The following UBL3 variants were observed in gnomAD, a reference collection of about 807,000 sequenced individuals.
The protein encoded by UBL3 is ubiquitin-like protein 3.
UBL3 carries 6 observed loss-of-function variants against 18.4 expected under a neutral mutation model. The observed-to-expected ratio is 0.33, with a 90% CI of 0.18 to 0.64. UBL3 has a LOEUF of 0.64. Among genes scored for constraint, UBL3 ranks in the 30% least tolerant of loss-of-function variants. UBL3 has a pLI of 0.76. For missense variants in UBL3, 109 were observed against 142.9 expected, an observed-to-expected ratio of 0.76 and a Z score of 1.21; for synonymous variants, 49 against 46.6, an observed-to-expected ratio of 1.05 and a Z score of -0.21.
intron 1 of UBL3, among the ~76,000 whole-genome samples, chr13:29,835,940 T>C (rs1878952294): frequency 6.6e-6 from 1 of 152,066 alleles, no homozygotes; most frequent in Non-Finnish European, 1.5e-5. Flanking sequence ...TGCAGGACCC[T>C]GAAGGCCCAA....
At chr13:29,777,130 TA>T (rs1239129153) in intron 2 of UBL3, 24 bp downstream of exon 2, 3 of 1,527,498 alleles carry the variant, frequency 2.0e-6, no homozygotes, top group Non-Finnish European at 2.7e-6. Context: ...ACATTATTCA[TA>T]CTCAAGAGAA....
intron 1 of UBL3, among the ~76,000 whole-genome samples, chr13:29,818,801 G>A (rs1296023653): frequency 2.6e-5 from 4 of 152,060 alleles, no homozygotes; most frequent in Admixed American, 6.6e-5. Flanking sequence ...TTTCCCATGC[G>A]TTCTCCCCTT....
intron 1 of UBL3, among the ~76,000 whole-genome samples, chr13:29,800,098 A>AC (rs1165775834): frequency 2.6e-5 from 4 of 152,230 alleles, no homozygotes. Flanking sequence ...CAATTGCTGA[A>AC]CAGTAATTCC....
intron 1 of UBL3, among the ~76,000 whole-genome samples, chr13:29,816,515 T>C (rs1878285462): frequency 6.6e-6 from 1 of 151,802 alleles, no homozygotes; most frequent in East Asian, 1.9e-4. Context: ...TCCCAGCACT[T>C]TGGGAGGACA....
intron 3 of UBL3, among the ~76,000 whole-genome samples, chr13:29,770,125 C>T (rs546127151): frequency 3.3e-5 from 5 of 152,060 alleles, no homozygotes; most frequent in Non-Finnish European, 7.4e-5. Flanking sequence ...CCACACAAAG[C>T]CTTCTTCCAC....
chr13:29,785,259 C>A (rs1285938938), intron 1 of UBL3, among the ~76,000 whole-genome samples: 1 of 152,058 alleles, frequency 6.6e-6, no homozygotes, highest in African/African-American at 2.4e-5. Flanking sequence ...TAAGATGTTA[C>A]CATTAGGGAA....
chr13:29,781,023 A>C (rs745639842), intron 1 of UBL3, among the ~76,000 whole-genome samples: 10 of 152,140 alleles, frequency 6.6e-5, no homozygotes, highest in Non-Finnish European at 1.2e-4. Flanking sequence ...AAAATACAAA[A>C]TATTAGCAGA....
chr13:29,774,190 T>C (rs927179009), intron 2 of UBL3, among the ~76,000 whole-genome samples: 1 of 152,100 alleles, frequency 6.6e-6, no homozygotes, highest in African/African-American at 2.4e-5. Context: ...AGATGGTCTG[T>C]TCATTTGGGA....
At chr13:29,773,465 A>C (rs1876900090) in intron 2 of UBL3, among the ~76,000 whole-genome samples, 2 of 152,182 alleles carry the variant, frequency 1.3e-5, no homozygotes, top group Non-Finnish European at 2.9e-5. Context: ...CAATTCCAAA[A>C]TTATTGTTTA....
chr13:29,777,461 G>GT (rs1877030942), intron 1 of UBL3, 198 bp from the exon 2 acceptor site: 1 of 675,370 alleles, frequency 1.5e-6, no homozygotes, highest in Non-Finnish European at 2.7e-6. Context: ...TTTAAAGGGT[G>GT]TGTGTGTGTG....
chr13:29,799,328 A>G (rs1877700512), intron 1 of UBL3, among the ~76,000 whole-genome samples: 1 of 152,278 alleles, frequency 6.6e-6, no homozygotes, highest in Non-Finnish European at 1.5e-5. Flanking sequence ...GTATTACTTA[A>G]TTCATACCTT....
chr13:29,785,558 C>A (rs1383385522), intron 1 of UBL3, among the ~76,000 whole-genome samples: 1 of 152,076 alleles, frequency 6.6e-6, no homozygotes, highest in African/African-American at 2.4e-5. Flanking sequence ...TTATAAAGGG[C>A]ATATTTTGAA....
intron 1 of UBL3, among the ~76,000 whole-genome samples, chr13:29,796,159 G>A (rs1484272215): frequency 6.6e-6 from 1 of 152,086 alleles, no homozygotes; most frequent in Non-Finnish European, 1.5e-5. Flanking sequence ...GAAGATGAGA[G>A]CTGCTTTTGG....
At chr13:29,834,019 G>GTAC (rs1241038816) in intron 1 of UBL3, among the ~76,000 whole-genome samples, 1 of 151,976 alleles carries the variant, frequency 6.6e-6, no homozygotes, top group African/African-American at 2.4e-5. Context: ...AACCCCGTCT[G>GTAC]TACTAAGACT....
At chr13:29,767,768 A>G in intron 3 of UBL3, 73 bp from the exon 4 acceptor site, 1 of 1,338,822 alleles carries the variant, frequency 7.5e-7, no homozygotes, top group Non-Finnish European at 1.0e-6. Context: ...ATTTAAAACC[A>G]TTTTAAAAAT....
At chr13:29,772,652 TTGAGAA>T (rs1453864558) in intron 2 of UBL3, among the ~76,000 whole-genome samples, 1 of 152,090 alleles carries the variant, frequency 6.6e-6, no homozygotes, top group Non-Finnish European at 1.5e-5. Context: ...TATATTGATA[TTGAGAA>T]TAACAAAAAA....
chr13:29,784,441 T>C (rs1458756806), intron 1 of UBL3, among the ~76,000 whole-genome samples: 1 of 152,068 alleles, frequency 6.6e-6, no homozygotes, highest in African/African-American at 2.4e-5. Context: ...CAGTCTTCCT[T>C]AGGGAAAACC....
rs188160595 is a variant in UBL3 at position 29,827,298 on chromosome 13, T to C, written c.27+22214A>G. 5.3e-5 allele frequency among the ~76,000 whole-genome samples: 8 copies of C among 152,312 alleles called. No homozygotes were observed. The East Asian group carries it at 9.7e-4, about 18-fold the overall frequency. ...GACAGTGGGGTGTTAAAGTCTCCCATTGTTATTGTGTGGGAGTCTAATTCT... is the reference window on the plus strand; with the variant it reads ...GACAGTGGGGTGTTAAAGTCTCCCACTGTTATTGTGTGGGAGTCTAATTCT... On this transcript the variant is annotated intron_variant, in intron 1 of 4. Coordinates refer to ENST00000380680, the MANE Select transcript of UBL3 (RefSeq NM_007106.4).
intron 1 of UBL3, among the ~76,000 whole-genome samples, chr13:29,798,772 C>CA (rs1278333581): frequency 1.3e-5 from 2 of 152,178 alleles, no homozygotes; most frequent in Admixed American, 1.3e-4. Context: ...AGAGAAACCC[C>CA]AAAAAACTAT....
Sources: allele counts gnomAD v4.1 joint callset (sites outside exome capture counted in the v4.1 genomes callset), GRCh38; gene constraint gnomAD v4.1.1; transcripts MANE v1.5; gene names NCBI Gene and HGNC (gene_info 2026-07-23, HGNC 2026-07-21).